TMTC2: variants seen among roughly 807,000 people sequenced by gnomAD.
The protein encoded by TMTC2 is transmembrane O-mannosyltransferase targeting cadherins 2.
Under a neutral mutation model 82.4 loss-of-function variants are expected in TMTC2, and 43 were observed. The ratio of observed to expected loss-of-function variants is 0.52; its 90% confidence interval spans 0.41 to 0.67. The LOEUF is 0.67. Ranked by LOEUF, TMTC2 falls within the 30% of genes least tolerant of loss-of-function variation. TMTC2 has a pLI of 0.00. For missense variants in TMTC2, 919 were observed against 1,012.4 expected (o/e 0.91, Z 1.25); for synonymous variants, 408 against 381.9 (o/e 1.07, Z -0.80).
At chr12:82,999,918 C>A (rs1879839861) in intron 8 of TMTC2, among the ~76,000 whole-genome samples, 1 of 152,238 alleles carries the variant, frequency 6.6e-6, no homozygotes, top group African/African-American at 2.4e-5. Context: ...AAAGTCTTAA[C>A]TCATTTCAGC....
At chr12:82,856,449 C>G (rs1299571429) in intron 1 of TMTC2, among the ~76,000 whole-genome samples, 1 of 152,200 alleles carries the variant, frequency 6.6e-6, no homozygotes, top group East Asian at 1.9e-4. Context: ...ATCAGCATCA[C>G]CTGAGAGCTA....
intron 1 of TMTC2, among the ~76,000 whole-genome samples, chr12:82,789,477 GGAAA>G (rs1477187293): frequency 6.6e-5 from 10 of 152,042 alleles, no homozygotes; most frequent in Non-Finnish European, 1.5e-4. Context: ...CATGAACAAT[GGAAA>G]GATTCATTAG....
intron 8 of TMTC2, among the ~76,000 whole-genome samples, chr12:83,020,157 C>T (rs754225787): frequency 1.4e-4 from 22 of 152,146 alleles, no homozygotes; most frequent in Non-Finnish European, 2.9e-4. Context: ...AAATGGCCAT[C>T]GATTGTGTTT....
intron 3 of TMTC2, among the ~76,000 whole-genome samples, chr12:82,925,992 G>GT (rs66942274): frequency 2.2e-3 from 288 of 132,132 alleles, no homozygotes; most frequent in Non-Finnish European, 3.2e-3. Context: ...TTTTTTTTTT[G>GT]TTTTTTTTTT....
chr12:83,126,702 T>C (rs1404181986), intron 11 of TMTC2, among the ~76,000 whole-genome samples: 1 of 152,026 alleles, frequency 6.6e-6, no homozygotes, highest in Non-Finnish European at 1.5e-5. Context: ...TCCAAGATAA[T>C]TTATATAGTT....
intron 8 of TMTC2, among the ~76,000 whole-genome samples, chr12:83,016,591 A>G (rs1377439315): frequency 6.6e-6 from 1 of 152,258 alleles, no homozygotes; most frequent in Non-Finnish European, 1.5e-5. Context: ...CCAGTGCTGC[A>G]CACAATGCCA....
chr12:82,857,178 C>G lies in TMTC2; in HGVS notation c.252C>G (p.Pro84=), dbSNP rs759705940. The G allele has an allele frequency of 5.0e-6, 8 of 1,614,028 alleles. No homozygotes were observed. In the Middle Eastern group the frequency reaches 4.9e-4, roughly 99 times the overall value. Residue 84 remains proline, a synonymous_variant, in exon 2 of 12, where the codon CCC becomes CCG. Transcript: ENST00000321196. ...RLNHAIGGLN[P]WSYHLVNVLL... ...ACCATGCCATTGGAGGGTTGAATCC[C>G]TGGAGCTACCATCTTGTCAATGTCC...
At chr12:82,708,710 C>T (rs568858099) in intron 1 of TMTC2, among the ~76,000 whole-genome samples, 5 of 152,312 alleles carry the variant, frequency 3.3e-5, no homozygotes, top group Non-Finnish European at 5.9e-5. Flanking sequence ...TGTTTGTTAA[C>T]TTGGGCCCCC....
At chr12:83,011,121 C>T (rs775163706) in intron 8 of TMTC2, among the ~76,000 whole-genome samples, 8 of 152,206 alleles carry the variant, frequency 5.3e-5, no homozygotes, top group Non-Finnish European at 1.2e-4. Context: ...AGGCATGAGC[C>T]ACTGCGCCCG....
chr12:82,710,872 C>T (rs1427606099), intron 1 of TMTC2, among the ~76,000 whole-genome samples: 1 of 152,150 alleles, frequency 6.6e-6, no homozygotes, highest in Non-Finnish European at 1.5e-5. Context: ...TCCAATTCGG[C>T]TTCATCTATC....
chr12:83,074,870 C>T (rs950963725), intron 11 of TMTC2, among the ~76,000 whole-genome samples: 4 of 152,138 alleles, frequency 2.6e-5, no homozygotes, highest in Admixed American at 2.0e-4. Context: ...CCCCTAAGCT[C>T]CCCGCTAAGT....
intron 1 of TMTC2, among the ~76,000 whole-genome samples, chr12:82,784,926 AG>A (rs1565749214): frequency 6.6e-6 from 1 of 152,014 alleles, no homozygotes; most frequent in Non-Finnish European, 1.5e-5. Flanking sequence ...TTGGTTCCAA[AG>A]GCTTTAGAAT....
intron 1 of TMTC2, among the ~76,000 whole-genome samples, chr12:82,708,692 C>T (rs570253005): frequency 2.6e-4 from 40 of 152,280 alleles, no homozygotes; most frequent in Admixed American, 9.8e-4. Context: ...CTACGATGCT[C>T]GAGTTGCTGT....
chr12:83,061,362 G>C (rs1206906754), intron 10 of TMTC2, among the ~76,000 whole-genome samples: 1 of 151,644 alleles, frequency 6.6e-6, no homozygotes, highest in Non-Finnish European at 1.5e-5. Context: ...AAGTCCTGCA[G>C]ATCTTTACTG....
intron 1 of TMTC2, among the ~76,000 whole-genome samples, chr12:82,739,395 T>A (rs1875286359): frequency 6.6e-6 from 1 of 152,040 alleles, no homozygotes; most frequent in Non-Finnish European, 1.5e-5. Flanking sequence ...ATGTGTAACT[T>A]GATTGCTGTT....
At chr12:83,067,845 A>AT (rs1458713471) in intron 11 of TMTC2, among the ~76,000 whole-genome samples, 1 of 152,082 alleles carries the variant, frequency 6.6e-6, no homozygotes, top group African/African-American at 2.4e-5. Context: ...CATTTCTAAT[A>AT]TTTAGAATAT....
chr12:82,997,324 CTGTGTGTG>C (rs1317663170), intron 8 of TMTC2, among the ~76,000 whole-genome samples: 2 of 25,524 alleles, frequency 7.8e-5, no homozygotes, highest in African/African-American at 2.5e-4. Context: ...GTGTGTGTGT[CTGTGTGTG>C]TGTGTGTGTG....
In TMTC2 at chr12:82,815,717, A is replaced by T. The variant is rs1352942780; in HGVS notation, c.84-41293A>T. Among the ~76,000 whole-genome samples the T allele has an allele frequency of 3.3e-5, 5 of 152,062 alleles. 1 individual carries two copies. Among genetic ancestry groups the T allele is most frequent in the Non-Finnish European group, 5.9e-5 (4 of 67,986 alleles). On this transcript the variant is annotated intron_variant, in intron 1 of 11. Coordinates refer to ENST00000321196, the MANE Select transcript of TMTC2 (RefSeq NM_152588.3). ...AAGCAGGAATGAAAGTTTGTAGGCC[A>T]AAACATTAACTGTCCAGTGAAGGTG... is the stretch of plus-strand genomic sequence containing the variant.
At chr12:82,758,812 G>A (rs562208426) in intron 1 of TMTC2, 2 of 152,266 alleles carry the variant, frequency 1.3e-5, no homozygotes, top group East Asian at 3.9e-4. Flanking sequence ...TCCTTTTGAT[G>A]TAAATATTTA....
Sources: gnomAD v4.1 joint callset for allele counts (sites outside exome capture counted in the v4.1 genomes callset) on GRCh38, gnomAD v4.1.1 for gene constraint, MANE v1.5 for transcripts, NCBI Gene and HGNC (gene_info 2026-07-23, HGNC 2026-07-21) for gene names.